SH3GL2: variants seen among roughly 807,000 people sequenced by gnomAD.
SH3GL2 encodes SH3 domain containing GRB2 like 2, endophilin A1, also known as endophilin-A1.
SH3GL2 carries 24 observed loss-of-function variants against 46.0 expected under a neutral mutation model. The observed-to-expected ratio is 0.52, with a 90% CI of 0.38 to 0.73. The LOEUF (loss-of-function observed/expected upper bound fraction) is 0.73, where lower values mean the gene tolerates loss of function less well. Among genes scored for constraint, SH3GL2 ranks in the 30% least tolerant of loss-of-function variants. The pLI is 0.00. For missense variants in SH3GL2, 413 were observed against 424.2 expected, an observed-to-expected ratio of 0.97 and a Z score of 0.23; for synonymous variants, 196 against 147.1, an observed-to-expected ratio of 1.33 and a Z score of -2.40.
intron 1 of SH3GL2, among the ~76,000 whole-genome samples, chr9:17,669,807 G>A (rs907390891): frequency 6.6e-6 from 1 of 152,106 alleles, no homozygotes; most frequent in African/African-American, 2.4e-5. Flanking sequence ...GTTTTCTGGG[G>A]TGACGCTCAG....
intron 1 of SH3GL2, among the ~76,000 whole-genome samples, chr9:17,605,971 C>G (rs1172075650): frequency 6.6e-6 from 1 of 152,096 alleles, no homozygotes; most frequent in African/African-American, 2.4e-5. Context: ...CTCTGACACT[C>G]TATGCTTGGT....
intron 1 of SH3GL2, among the ~76,000 whole-genome samples, chr9:17,653,180 A>T (rs113594750): frequency 6.6e-6 from 1 of 151,746 alleles, no homozygotes; most frequent in African/African-American, 2.4e-5. Flanking sequence ...GCTTATTTTC[A>T]CTGTCTTGTT....
chr9:17,613,267 A>G (rs997557257), intron 1 of SH3GL2, among the ~76,000 whole-genome samples: 1 of 152,172 alleles, frequency 6.6e-6, no homozygotes, highest in Non-Finnish European at 1.5e-5. Flanking sequence ...AAACATTAGT[A>G]TTTTCCATTT....
In SH3GL2 at chr9:17,604,815, G is replaced by A. The variant is rs564817212; in HGVS notation, c.45+25528G>A. On this transcript the variant is annotated intron_variant, in intron 1 of 8. Transcript: ENST00000380607. ...ATGCTCAGCTCTGACCTTGGGTTAG[G>A]GTGGAGGTGTGTTCTTCTAGGCCCG... 7.9e-4 allele frequency among the ~76,000 whole-genome samples: 120 copies of A among 152,248 alleles called. 2 individuals carry two copies. In the South Asian group the frequency reaches 0.023, roughly 29 times the overall value.
chr9:17,700,684 T>C (rs991120219), intron 1 of SH3GL2, among the ~76,000 whole-genome samples: 1 of 152,160 alleles, frequency 6.6e-6, no homozygotes, highest in African/African-American at 2.4e-5. Context: ...ATTTCTAACG[T>C]CTCCTAGAAG....
chr9:17,674,742 T>C (rs1200956308), intron 1 of SH3GL2, among the ~76,000 whole-genome samples: 1 of 152,170 alleles, frequency 6.6e-6, no homozygotes, highest in Non-Finnish European at 1.5e-5. Context: ...TCTGGCAATT[T>C]GTTGCTGGCT....
At chr9:17,665,826 G>T (rs952706055) in intron 1 of SH3GL2, among the ~76,000 whole-genome samples, 2 of 150,372 alleles carry the variant, frequency 1.3e-5, no homozygotes, top group Non-Finnish European at 3.0e-5. Flanking sequence ...GGAGATCAAA[G>T]TGAGGGGAAA....
At chr9:17,640,621 T>A (rs985477343) in intron 1 of SH3GL2, among the ~76,000 whole-genome samples, 3 of 152,134 alleles carry the variant, frequency 2.0e-5, no homozygotes, top group African/African-American at 7.2e-5. Context: ...ACCACCTATG[T>A]CAGATGTAGC....
chr9:17,783,319 G>C (rs1001422997), intron 3 of SH3GL2, among the ~76,000 whole-genome samples: 1 of 151,578 alleles, frequency 6.6e-6, no homozygotes, highest in African/African-American at 2.4e-5. Flanking sequence ...TGTTTGTTTG[G>C]ATTAGGAAAT....
chr9:17,720,084 A>G (rs1233583670), intron 1 of SH3GL2, among the ~76,000 whole-genome samples: 4 of 152,122 alleles, frequency 2.6e-5, no homozygotes, highest in Admixed American at 6.6e-5. Context: ...AATTTTATCA[A>G]TAGGAAGAAA....
At chr9:17,751,470 T>TTGTTTGTGCGTGTGTGTGTGTG (rs1433444435) in intron 2 of SH3GL2, among the ~76,000 whole-genome samples, 30 of 133,032 alleles carry the variant, frequency 2.3e-4, no homozygotes, top group African/African-American at 9.0e-4. Flanking sequence ...GTGTGTGTTT[T>TTGTTTGTGCGTGTGTGTGTGTG]TGTGTGTGCG....
At chr9:17,607,281 A>G (rs1047220198) in intron 1 of SH3GL2, among the ~76,000 whole-genome samples, 2 of 152,262 alleles carry the variant, frequency 1.3e-5, no homozygotes, top group African/African-American at 4.8e-5. Flanking sequence ...GCATATTACC[A>G]TACTGAATGT....
chr9:17,747,765 C>G (rs1822735674), intron 2 of SH3GL2, among the ~76,000 whole-genome samples: 1 of 152,108 alleles, frequency 6.6e-6, no homozygotes, highest in South Asian at 2.1e-4. Flanking sequence ...ACCTCCGTCT[C>G]CTGGGTTCAA....
At chr9:17,769,757 C>G (rs1032062596) in intron 3 of SH3GL2, among the ~76,000 whole-genome samples, 2 of 152,054 alleles carry the variant, frequency 1.3e-5, no homozygotes, top group Admixed American at 6.6e-5. Flanking sequence ...TTATTGTTTT[C>G]ACATCACTCC....
At chr9:17,755,504 T>G (rs983191216) in intron 2 of SH3GL2, among the ~76,000 whole-genome samples, 24 of 152,096 alleles carry the variant, frequency 1.6e-4, no homozygotes, top group African/African-American at 5.6e-4. Context: ...GGGTCTCACT[T>G]TTTCCCAGGC....
chr9:17,580,717 A>G (rs889952606), intron 1 of SH3GL2, among the ~76,000 whole-genome samples: 14 of 152,224 alleles, frequency 9.2e-5, no homozygotes, highest in Non-Finnish European at 4.4e-5. Context: ...AAGTTCTTTC[A>G]GGTTTACAGA....
chr9:17,768,965 C>T (rs970412467), intron 3 of SH3GL2, among the ~76,000 whole-genome samples: 2 of 152,198 alleles, frequency 1.3e-5, no homozygotes, highest in East Asian at 1.9e-4. Context: ...GTCTCCATCT[C>T]GCTCCTTCTG....
chr9:17,660,981 G>A (rs1820197982), intron 1 of SH3GL2, among the ~76,000 whole-genome samples: 2 of 152,040 alleles, frequency 1.3e-5, no homozygotes. Context: ...GACCAACGTG[G>A]TGAAACCCTG....
intron 1 of SH3GL2, among the ~76,000 whole-genome samples, chr9:17,617,094 G>C (rs1329342440): frequency 6.6e-6 from 1 of 152,120 alleles, no homozygotes; most frequent in African/African-American, 2.4e-5. Flanking sequence ...CTGTCTGGTT[G>C]TTTTTACTTC....
Sources: allele counts gnomAD v4.1 joint callset (sites outside exome capture counted in the v4.1 genomes callset), GRCh38; gene constraint gnomAD v4.1.1; transcripts MANE v1.5; gene names NCBI Gene and HGNC (gene_info 2026-07-23, HGNC 2026-07-21).